Variants in BSN observed in about 807,000 individuals in gnomAD.
BSN encodes bassoon presynaptic cytomatrix protein.
Under a neutral mutation model 264.8 loss-of-function variants are expected in BSN, and 57 were observed. That is an observed-to-expected ratio of 0.22 (90% CI 0.17 to 0.27). The LOEUF (loss-of-function observed/expected upper bound fraction) is 0.27. BSN is among the 10% of genes least tolerant of loss of function. The pLI, the probability that BSN is intolerant of heterozygous loss-of-function variation, is 1.00. For missense variants in BSN, 4,615 were observed against 5,232.5 expected (o/e 0.88, Z 3.64); for synonymous variants, 2,059 against 2,137.3 (o/e 0.96, Z 1.01).
intron 3 of BSN, among the ~76,000 whole-genome samples, chr3:49,644,991 G>T (rs1015201360): frequency 3.9e-5 from 6 of 152,190 alleles, no homozygotes; most frequent in African/African-American, 1.4e-4. Context: ...TTAGCTGCTT[G>T]GTTCTGGCTA....
chr3:49,642,803 A>T lies in BSN; in HGVS notation c.1169A>T (p.Asp390Val). Residue 390 changes from aspartate to valine, a missense_variant, in exon 3 of 12, where the codon GAT becomes GTT. Coordinates refer to ENST00000296452, the MANE Select transcript of BSN (RefSeq NM_003458.4). The surrounding 1 kb of genome is among the most constrained non-coding windows in gnomAD (Gnocchi z 7.0). Reference protein sequence around the residue: ...SKGTPKIVFNDASKEAGPKPL... With the variant: ...SKGTPKIVFNVASKEAGPKPL... ...GGGACACCTAAGATCGTCTTCAATG[A>T]TGCCAGCAAGGAGGCTGGCCCAAAA... The T allele has an allele frequency of 6.2e-7, 1 of 1,613,250 alleles. No individual in the cohort carries two copies. Among genetic ancestry groups the T allele is most frequent in the Non-Finnish European group, 8.5e-7 (1 of 1,179,830 alleles).
chr3:49,642,024 G>A lies in BSN; in HGVS notation c.634-244G>A, dbSNP rs1346919633. ...AGGGTCTGGCAGGCAGTGAGTTGGT[G>A]GTTGGGGTGGGGTGGGGGATGGGAC... On this transcript the variant is annotated intron_variant, in intron 2 of 11. Coordinates refer to ENST00000296452, the MANE Select transcript of BSN (RefSeq NM_003458.4). The surrounding 1 kb of genome is among the most constrained non-coding windows in gnomAD (Gnocchi z 7.0). Among the ~76,000 whole-genome samples, 1 of 151,860 alleles carries A rather than the reference G, an allele frequency of 6.6e-6. No individual in the cohort carries two copies. The highest frequency in any genetic ancestry group is 1.5e-5 in the Non-Finnish European group (1 of 67,962).
intron 1 of BSN, among the ~76,000 whole-genome samples, chr3:49,601,653 C>T (rs1022330851): frequency 6.6e-6 from 1 of 152,202 alleles, no homozygotes; most frequent in African/African-American, 2.4e-5. Context: ...GAAGCTGCTC[C>T]ATGGTGTCGC....
chr3:49,606,934 G>C (rs1053172287), intron 1 of BSN, among the ~76,000 whole-genome samples: 17 of 152,136 alleles, frequency 1.1e-4, no homozygotes, highest in Admixed American at 9.8e-4. Context: ...TGGCCAACAT[G>C]GTGAAACCCC....
chr3:49,590,726 A>G (rs1304350917), intron 1 of BSN, among the ~76,000 whole-genome samples: 1 of 119,242 alleles, frequency 8.4e-6, no homozygotes, highest in African/African-American at 2.8e-5. Flanking sequence ...ATAAAGCATA[A>G]TAATTATTAC....
Position 49,651,698 on chromosome 3 carries a change from A to G in BSN, c.2142A>G (p.Thr714=). The G allele has an allele frequency of 6.2e-7, 1 of 1,613,972 alleles. No individual in the cohort carries two copies. Among genetic ancestry groups the G allele is most frequent in the South Asian group, 1.1e-5 (1 of 91,062 alleles). The part of the protein sequence containing the change: ...EVEQLDSAGV[T]GPHPPSPSEI... ...AACAGCTGGACAGTGCAGGGGTGAC[A>G]GGGCCACATCCACCCAGCCCCTCCG... is the stretch of plus-strand genomic sequence containing the variant. The change falls in exon 5 of 12, where the codon ACA becomes ACG. Residue 714 remains threonine (T), a synonymous_variant. Coordinates refer to ENST00000296452, the MANE Select transcript of BSN (RefSeq NM_003458.4). The surrounding 1 kb of genome is among the most constrained non-coding windows in gnomAD (Gnocchi z 5.4).
chr3:49,626,650 C>G (rs1196157853), intron 2 of BSN, among the ~76,000 whole-genome samples: 1 of 152,206 alleles, frequency 6.6e-6, no homozygotes, highest in East Asian at 1.9e-4. Flanking sequence ...GCCAGGGAAG[C>G]TCACCTGTGT....
intron 1 of BSN, among the ~76,000 whole-genome samples, chr3:49,619,003 G>T (rs762201890): frequency 2.6e-5 from 4 of 152,152 alleles, no homozygotes; most frequent in Non-Finnish European, 4.4e-5. Flanking sequence ...AACACCTGTG[G>T]ACCCACCTTC....
intron 1 of BSN, among the ~76,000 whole-genome samples, chr3:49,622,337 G>A (rs1050840330): frequency 1.3e-5 from 2 of 152,194 alleles, no homozygotes; most frequent in African/African-American, 2.4e-5. Flanking sequence ...ATCTCCAGGT[G>A]TCATGATGGC....
rs768423977 is a variant in BSN, at chr3:49,654,079, C to T, written c.4523C>T (p.Thr1508Met). 1.8e-5 allele frequency: 29 copies of T among 1,613,770 alleles called. No homozygotes were observed. Among genetic ancestry groups the T allele is most frequent in the South Asian group, 1.3e-4 (12 of 91,076 alleles). Residue 1508 changes from threonine (T) to methionine (M), a missense_variant, in exon 5 of 12, where the codon ACG becomes ATG. Physicochemically the swap from Thr to Met is moderately conservative, Grantham distance 81. Transcript: ENST00000296452. This position sits in a 1 kb window ranked among gnomAD's most constrained non-coding sequence, Gnocchi z 4.1. ...PRATAEFSTQ[T>M]PSPAPASDMP... ...GCCACAGCAGAGTTCTCTACACAGA[C>T]GCCAAGTCCAGCCCCTGCCTCAGAC...
At position 49,664,868 on chromosome 3, in the gene BSN, C is replaced by T. The variant is rs368826460; in HGVS notation, c.*14+15C>T. The T allele has an allele frequency of 1.9e-5, 30 of 1,603,570 alleles. No homozygotes were observed. In the African/African-American group the frequency reaches 3.5e-4, roughly 19 times the overall value. ...TGCCCAGCATGGTGAGTACAAGCAG[C>T]CTGTACCTTGCCTCTTCTGGGAAAG... On this transcript the variant is annotated intron_variant, in intron 10 of 11. Transcript: ENST00000296452.
In BSN at chr3:49,653,636, T is replaced by C; in HGVS notation, c.4080T>C (p.Pro1360=). 1 of 1,613,816 alleles carries C rather than the reference T, an allele frequency of 6.2e-7. No homozygotes were observed. Among genetic ancestry groups the C allele is most frequent in the Non-Finnish European group, 8.5e-7 (1 of 1,179,994 alleles). ...ACCCCCTCAAGCTGCACAGCTCTCC[T>C]GCCTCCCCCAGCTCAGCCTCCAAGG... ...TQDPLKLHSS[P]ASPSSASKEI... The change falls in exon 5 of 12, where the codon CCT becomes CCC. Residue 1360 remains proline, a synonymous_variant. Transcript: ENST00000296452. This position sits in a 1 kb window ranked among gnomAD's most constrained non-coding sequence, Gnocchi z 6.3.
rs1575422020 is a variant in BSN, at chr3:49,554,684, G to T, written c.82G>T (p.Gly28Cys). 9.5e-7 allele frequency: 1 copy of T among 1,054,778 alleles called. No individual in the cohort carries two copies. Among genetic ancestry groups the T allele is most frequent in the Non-Finnish European group, 1.1e-6 (1 of 874,448 alleles). The allele number at this position is 1,054,778 out of a possible 1,614,324, so 65.3% of individuals were successfully genotyped here. A position where few individuals can be genotyped will look rare whatever the true frequency, so the allele number is the denominator to read the frequency against. The change falls in exon 1 of 12, where the codon GGC becomes TGC. Residue 28 changes from glycine to cysteine, a missense_variant. Around this residue, in one of 3 missense-constraint regions of BSN, gnomAD observed 1,197 missense variants for 1,348.0 expected, o/e 0.89. Coordinates refer to ENST00000296452, the MANE Select transcript of BSN (RefSeq NM_003458.4). ...PGGAGPGPGPGPGPGAGKPPS... is the reference protein window; with the variant it reads ...PGGAGPGPGPCPGPGAGKPPS... ...CGGCGCCGGCCCCGGCCCGGGCCCC[G>T]GCCCCGGCCCCGGCGCAGGAAAGCC... is the stretch of plus-strand genomic sequence containing the variant.
At chr3:49,559,780 C>T (rs1257031362) in intron 1 of BSN, among the ~76,000 whole-genome samples, 5 of 152,162 alleles carry the variant, frequency 3.3e-5, no homozygotes. Flanking sequence ...TAAGATGTTC[C>T]TCTGTCCCAT....
chr3:49,599,038 C>T (rs1236356812), intron 1 of BSN, among the ~76,000 whole-genome samples: 1 of 152,008 alleles, frequency 6.6e-6, no homozygotes, highest in Non-Finnish European at 1.5e-5. Flanking sequence ...GAGGTTGGAG[C>T]CTTGGGTATG....
intron 1 of BSN, among the ~76,000 whole-genome samples, chr3:49,613,568 C>T (rs1474346058): frequency 1.3e-5 from 2 of 151,582 alleles, no homozygotes; most frequent in African/African-American, 2.4e-5. Flanking sequence ...AGTCTCAGCT[C>T]ACTGCAACCT....
Position 49,651,418 on chromosome 3 carries a change from C to T in BSN, c.1987-125C>T, listed in dbSNP as rs1175953891. 1.4e-5 allele frequency: 15 copies of T among 1,067,182 alleles called. No homozygotes were observed. Among genetic ancestry groups the T allele is most frequent in the Admixed American group, 1.3e-4 (5 of 39,146 alleles). The allele number at this position is 1,067,182 out of a possible 1,614,324, so 66.1% of individuals were successfully genotyped here. On this transcript the variant is annotated intron_variant, in intron 4 of 11. Transcript: ENST00000296452. This position sits in a 1 kb window ranked among gnomAD's most constrained non-coding sequence, Gnocchi z 5.4. ...GGCCAGAAGGAGATAGGGTGGGTGG[C>T]GGGCCCTAAACCCTTGGGAAATGGA...
Position 49,652,589 on chromosome 3 carries a change from C to T in BSN, c.3033C>T (p.Ser1011=). ...SLEEDSDSSP[S]RRQRLEEAKQ... The stretch of plus-strand genomic sequence containing the variant: ...AGGAGGACAGTGACAGCAGCCCCAG[C>T]CGCAGGCAGCGTCTAGAAGAAGCAA... Residue 1011 remains serine (S), a synonymous_variant, in exon 5 of 12, where the codon AGC becomes AGT. Transcript: ENST00000296452. 1 of 1,613,520 alleles carries T rather than the reference C, an allele frequency of 6.2e-7. No individual in the cohort carries two copies. Among genetic ancestry groups the T allele is most frequent in the East Asian group, 2.2e-5 (1 of 44,868 alleles).
chr3:49,605,363 A>AAT lies in BSN; in HGVS notation c.225-19605_225-19604dup, dbSNP rs1354781677. Among the ~76,000 whole-genome samples, 158 of 73,714 alleles carry AAT rather than the reference A, an allele frequency of 2.1e-3. 2 individuals carry two copies. Among genetic ancestry groups the AAT allele is most frequent in the African/African-American group, 8.6e-3 (156 of 18,228 alleles). 48.4% of individuals were successfully genotyped at this position (73,714 alleles called of 152,430 possible). A position where few individuals can be genotyped will look rare whatever the true frequency, so the allele number is the denominator to read the frequency against. On this transcript the variant is annotated intron_variant, in intron 1 of 11. Coordinates refer to ENST00000296452, the MANE Select transcript of BSN (RefSeq NM_003458.4). ...TATAATATATAAATATATATTTATA[A>AAT]ATATATATTTAATATATAAATATAT...
Sources: allele counts gnomAD v4.1 joint callset (sites outside exome capture counted in the v4.1 genomes callset), GRCh38; gene constraint gnomAD v4.1.1; regional missense constraint gnomAD v4.1.1; non-coding constraint Gnocchi (gnomAD v3.1); transcripts MANE v1.5; gene names NCBI Gene and HGNC (gene_info 2026-07-23, HGNC 2026-07-21).